NEBL: variants seen among roughly 807,000 people sequenced by gnomAD.
NEBL encodes the protein nebulette, also known as LIM and SH3 protein 2.
In NEBL, 122 loss-of-function variants were observed where a neutral mutation model predicts 140.2. The observed-to-expected ratio is 0.87, with a 90% CI of 0.75 to 1.01. NEBL has a LOEUF of 1.01. Ranked by LOEUF, NEBL falls within the 50% of genes least tolerant of loss-of-function variation. The pLI is 0.00. For synonymous variants in NEBL, 436 were observed against 398.9 expected (o/e 1.09, Z -1.11); for missense variants, 1,365 against 1,231.3 (o/e 1.11, Z -1.62).
intron 26 of NEBL, 113 bp downstream of exon 26, chr10:20,808,397 C>T: frequency 8.3e-6 from 9 of 1,083,668 alleles, no homozygotes; most frequent in Non-Finnish European, 9.4e-6. Flanking sequence ...TTTAAATTCT[C>T]AAATACAGCC....
intron 1 of NEBL, among the ~76,000 whole-genome samples, chr10:21,272,171 T>C (rs1842868723): frequency 6.9e-6 from 1 of 145,330 alleles, no homozygotes; most frequent in Admixed American, 6.9e-5. Context: ...TTCACCATGT[T>C]AGCCAGGATG....
intron 3 of NEBL, among the ~76,000 whole-genome samples, chr10:21,186,309 C>T (rs984436728): frequency 6.6e-6 from 1 of 150,848 alleles, no homozygotes; most frequent in Non-Finnish European, 1.5e-5. Context: ...CATTCCCCCC[C>T]ACCATTAAAT....
At chr10:21,234,903 G>A (rs1036938168) in intron 3 of NEBL, among the ~76,000 whole-genome samples, 1 of 152,200 alleles carries the variant, frequency 6.6e-6, no homozygotes. Context: ...CCAAAACAAG[G>A]CTCAACGGTG....
intron 3 of NEBL, among the ~76,000 whole-genome samples, chr10:21,208,087 C>T (rs2132232953): frequency 6.6e-6 from 1 of 152,204 alleles, no homozygotes; most frequent in Non-Finnish European, 1.5e-5. Flanking sequence ...AGAGGAAAAC[C>T]TCAAATCCAT....
Position 20,896,952 on chromosome 10 carries a change from A to G in NEBL, c.153+6T>C. On this transcript the variant is annotated splice_donor_region_variant and intron_variant, in intron 2 of 27. Transcript: ENST00000377122. ...AAATAAGACAAAAATTACTCCAGCCACTTACATCGCTAATGAGTTCCGTGC... is the reference window on the plus strand; with the variant it reads ...AAATAAGACAAAAATTACTCCAGCCGCTTACATCGCTAATGAGTTCCGTGC... 1 of 1,613,368 alleles carries G rather than the reference A, an allele frequency of 6.2e-7. No individual in the cohort carries two copies. The highest frequency in any genetic ancestry group is 1.1e-5 in the South Asian group (1 of 91,058).
At chr10:20,807,120 T>C (rs572719005) in intron 26 of NEBL, among the ~76,000 whole-genome samples, 9 of 151,826 alleles carry the variant, frequency 5.9e-5, no homozygotes, top group African/African-American at 1.9e-4. Context: ...AGGTCAGGAG[T>C]TCCAGACCAG....
chr10:20,957,851 T>C (rs1382262517), intron 4 of NEBL, among the ~76,000 whole-genome samples: 1 of 152,218 alleles, frequency 6.6e-6, no homozygotes, highest in Admixed American at 6.5e-5. Flanking sequence ...CCAGTTTTCA[T>C]CTATGGCACA....
intron 4 of NEBL, among the ~76,000 whole-genome samples, chr10:20,941,958 A>T (rs919880557): frequency 7.2e-5 from 11 of 152,184 alleles, no homozygotes; most frequent in Non-Finnish European, 1.0e-4. Context: ...CAAATGGAAG[A>T]ACATTCCATG....
intron 3 of NEBL, among the ~76,000 whole-genome samples, chr10:21,010,154 G>A (rs1838280331): frequency 6.6e-6 from 1 of 152,172 alleles, no homozygotes; most frequent in Admixed American, 6.5e-5. Flanking sequence ...AATGAAATGG[G>A]ATTGCTTTAG....
chr10:21,119,642 C>T (rs1838438685), intron 2 of NEBL, among the ~76,000 whole-genome samples: 1 of 151,826 alleles, frequency 6.6e-6, no homozygotes, highest in Admixed American at 6.6e-5. Flanking sequence ...AGCATTATGA[C>T]AATTAAGTCA....
chr10:20,785,871 G>A lies in NEBL; in HGVS notation c.2921C>T (p.Ser974Phe). Residue 974 changes from serine to phenylalanine, a missense_variant, in exon 28 of 28, where the codon TCC (serine) becomes TTC (phenylalanine). Ser to Phe is a radical substitution (Grantham distance 155). Around this residue, in one of 2 missense-constraint regions of NEBL, gnomAD observed 42 missense variants for 76.5 expected, o/e 0.55. Transcript: ENST00000377122. ...GACGATGTAGTCGCCGTCTCTAAAG[G>A]AGACCTCGTCTTCATCCTGGGCACT... ...DYSAQDEDEV[S>F]FRDGDYIVNV... 1 of 1,614,030 alleles carries A rather than the reference G, an allele frequency of 6.2e-7. No individual in the cohort carries two copies. Among genetic ancestry groups the A allele is most frequent in the African/African-American group, 1.3e-5 (1 of 75,020 alleles).
intron 19 of NEBL, among the ~76,000 whole-genome samples, chr10:20,821,508 A>G (rs149279206): frequency 4.3e-4 from 65 of 152,272 alleles, no homozygotes; most frequent in African/African-American, 1.4e-3. Flanking sequence ...ACTACAAATA[A>G]CACCTACAAT....
At chr10:21,199,720 C>A (rs182892455) in intron 3 of NEBL, among the ~76,000 whole-genome samples, 9 of 152,184 alleles carry the variant, frequency 5.9e-5, no homozygotes, top group Non-Finnish European at 1.0e-4. Context: ...AGCTAAGGCT[C>A]ACTGGTGAGT....
chr10:20,815,199 T>C (rs1838603196), intron 22 of NEBL, among the ~76,000 whole-genome samples: 1 of 152,208 alleles, frequency 6.6e-6, no homozygotes, highest in Admixed American at 6.5e-5. Flanking sequence ...TTAAGGATTC[T>C]TTTCTGTAAG....
At chr10:20,956,748 A>G (rs1453056126) in intron 4 of NEBL, among the ~76,000 whole-genome samples, 1 of 152,202 alleles carries the variant, frequency 6.6e-6, no homozygotes, top group Non-Finnish European at 1.5e-5. Context: ...GAATGACTTT[A>G]TAATTTTTAC....
At chr10:21,062,373 T>C (rs1835343554) in intron 2 of NEBL, among the ~76,000 whole-genome samples, 1 of 152,012 alleles carries the variant, frequency 6.6e-6, no homozygotes, top group African/African-American at 2.4e-5. Flanking sequence ...TAGAGAACTC[T>C]GTTCCTGGCT....
chr10:21,190,023 C>A (rs945346458), intron 3 of NEBL, among the ~76,000 whole-genome samples: 3 of 152,102 alleles, frequency 2.0e-5, no homozygotes, highest in Admixed American at 1.3e-4. Context: ...ATTAAAGTGG[C>A]CTTTTTGCTT....
intron 3 of NEBL, among the ~76,000 whole-genome samples, chr10:20,982,092 G>A (rs1274309681): frequency 1.3e-5 from 2 of 152,166 alleles, no homozygotes; most frequent in Non-Finnish European, 2.9e-5. Flanking sequence ...ACTTAACACA[G>A]CTGTTTGTGA....
intron 3 of NEBL, among the ~76,000 whole-genome samples, chr10:20,994,777 A>G (rs1837599860): frequency 6.6e-6 from 1 of 152,222 alleles, no homozygotes; most frequent in Non-Finnish European, 1.5e-5. Context: ...TAAGGAAATC[A>G]TAAGGAAGAG....
Sources: allele counts gnomAD v4.1 joint callset (sites outside exome capture counted in the v4.1 genomes callset), GRCh38; gene constraint gnomAD v4.1.1; regional missense constraint gnomAD v4.1.1; transcripts MANE v1.5; gene names NCBI Gene and HGNC (gene_info 2026-07-23, HGNC 2026-07-21).